The following ATF6 variants were observed in gnomAD, a reference collection of about 807,000 sequenced individuals.
ATF6 encodes the protein activating transcription factor 6.
ATF6 carries 53 observed loss-of-function variants against 83.6 expected under a neutral mutation model. The ratio of observed to expected loss-of-function variants is 0.63; its 90% CI spans 0.51 to 0.80. ATF6 has a LOEUF of 0.80. Ranked by LOEUF, ATF6 falls within the 30% of genes least tolerant of loss-of-function variation. ATF6 has a pLI of 0.00. For synonymous variants in ATF6, 288 were observed against 285.8 expected (o/e 1.01, Z -0.08); for missense variants, 744 against 797.9 (o/e 0.93, Z 0.81).
At chr1:161,851,158 A>G (rs1357309684) in intron 10 of ATF6, among the ~76,000 whole-genome samples, 1 of 148,034 alleles carries the variant, frequency 6.8e-6, no homozygotes, top group African/African-American at 2.5e-5. Context: ...ACACACACAC[A>G]CACACACACA....
intron 2 of ATF6, among the ~76,000 whole-genome samples, chr1:161,779,187 C>T (rs1387026540): frequency 1.3e-5 from 2 of 152,112 alleles, no homozygotes; most frequent in East Asian, 1.9e-4. Context: ...GAATGTGGCC[C>T]ATTGATTAAA....
intron 14 of ATF6, among the ~76,000 whole-genome samples, chr1:161,887,247 CT>C (rs5778239): frequency 0.13 from 19,223 of 143,310 alleles, 1,675 homozygotes; most frequent in East Asian, 0.32. Context: ...AATTTTTGTG[CT>C]TTTTTTTTTT....
chr1:161,952,673 A>G (rs1688889477), intron 15 of ATF6, among the ~76,000 whole-genome samples: 1 of 152,048 alleles, frequency 6.6e-6, no homozygotes, highest in African/African-American at 2.4e-5. Context: ...GGCATTATAT[A>G]TATATAATAT....
chr1:161,917,547 A>G (rs1214625091), intron 15 of ATF6, among the ~76,000 whole-genome samples: 1 of 151,926 alleles, frequency 6.6e-6, no homozygotes, highest in African/African-American at 2.4e-5. Context: ...CAGCCTCCCG[A>G]GTAGCTGGGA....
intron 9 of ATF6, among the ~76,000 whole-genome samples, chr1:161,841,405 A>C (rs767882894): frequency 1.3e-4 from 20 of 152,212 alleles, no homozygotes; most frequent in Middle Eastern, 3.2e-3. Context: ...ACTTGTCTGT[A>C]ATTTAGCTTA....
chr1:161,940,395 G>T (rs1027195369), intron 15 of ATF6, among the ~76,000 whole-genome samples: 5 of 151,530 alleles, frequency 3.3e-5, no homozygotes, highest in African/African-American at 9.7e-5. Context: ...TATCTCTCTG[G>T]CCTCATTTTC....
chr1:161,954,893 T>G (rs774027652), intron 15 of ATF6, among the ~76,000 whole-genome samples: 7 of 152,228 alleles, frequency 4.6e-5, no homozygotes, highest in Non-Finnish European at 1.0e-4. Context: ...ACATAAGATT[T>G]GAACCATTTG....
chr1:161,869,830 C>T (rs1687084332), intron 14 of ATF6, among the ~76,000 whole-genome samples: 1 of 151,740 alleles, frequency 6.6e-6, no homozygotes, highest in Non-Finnish European at 1.5e-5. Context: ...TCAATGTATA[C>T]TACCTTTGTA....
At chr1:161,922,883 T>C (rs1207379339) in intron 15 of ATF6, among the ~76,000 whole-genome samples, 1 of 151,886 alleles carries the variant, frequency 6.6e-6, no homozygotes, top group Non-Finnish European at 1.5e-5. Flanking sequence ...AGAGTTGTGA[T>C]TTATCAATAT....
intron 15 of ATF6, among the ~76,000 whole-genome samples, chr1:161,920,375 A>G (rs960323742): frequency 1.4e-4 from 18 of 127,838 alleles, no homozygotes; most frequent in African/African-American, 1.9e-4. Context: ...GCTCGCTGCA[A>G]CCTCCACCTC....
At position 161,958,438 on chromosome 1, in the gene ATF6, G is replaced by C. The variant is rs377077226; in HGVS notation, c.1805-8G>C. On this transcript the variant is annotated splice_region_variant and splice_polypyrimidine_tract_variant and intron_variant, in intron 15 of 15. Transcript: ENST00000367942. ...ATATTTATTCTTTGTGTATATTCCTGTCTGCAGAGAATGTGATCAATGGGC... is the reference window on the plus strand; with the variant it reads ...ATATTTATTCTTTGTGTATATTCCTCTCTGCAGAGAATGTGATCAATGGGC... The C allele has an allele frequency of 2.5e-6, 4 of 1,590,826 alleles. No individual in the cohort carries two copies. The highest frequency in any genetic ancestry group is 3.4e-6 in the Non-Finnish European group (4 of 1,167,804).
intron 4 of ATF6, among the ~76,000 whole-genome samples, chr1:161,787,165 C>T (rs1426410910): frequency 1.3e-5 from 2 of 152,170 alleles, no homozygotes; most frequent in Admixed American, 1.3e-4. Context: ...TAGATGTTAT[C>T]TGCCAACCTA....
At chr1:161,794,947 G>A (rs559028413) in intron 6 of ATF6, among the ~76,000 whole-genome samples, 1 of 152,044 alleles carries the variant, frequency 6.6e-6, no homozygotes, top group Non-Finnish European at 1.5e-5. Flanking sequence ...TAGAGAGGAA[G>A]GTGTCTAGGA....
intron 14 of ATF6, among the ~76,000 whole-genome samples, chr1:161,888,919 A>G (rs1180225125): frequency 6.6e-6 from 1 of 152,092 alleles, no homozygotes; most frequent in African/African-American, 2.4e-5. Context: ...ATACCTTGAG[A>G]TCCAGCTTGC....
At chr1:161,857,534 C>T (rs1571194493) in intron 12 of ATF6, among the ~76,000 whole-genome samples, 2 of 151,966 alleles carry the variant, frequency 1.3e-5, no homozygotes, top group African/African-American at 4.8e-5. Flanking sequence ...GAATTTGTCT[C>T]CAGAAGACCT....
intron 2 of ATF6, among the ~76,000 whole-genome samples, chr1:161,779,168 G>C (rs1203642965): frequency 6.6e-6 from 1 of 152,164 alleles, no homozygotes; most frequent in Non-Finnish European, 1.5e-5. Context: ...TACTCCATGA[G>C]ATACTTTAGA....
In ATF6 at chr1:161,912,386, T is replaced by C. The variant is rs1487646147; in HGVS notation, c.1804+6T>C. 7 of 1,592,646 alleles carry C rather than the reference T, an allele frequency of 4.4e-6. No individual in the cohort carries two copies. In the East Asian group the frequency reaches 1.6e-4, roughly 36 times the overall value. ...ACCAGCAATAAACATAAATGGTAAG[T>C]TGAAATTCTGATGTATGAACAATAT... is the stretch of plus-strand genomic sequence containing the variant. On this transcript the variant is annotated splice_donor_region_variant and intron_variant, in intron 15 of 15. Coordinates refer to ENST00000367942, the MANE Select transcript of ATF6 (RefSeq NM_007348.4).
chr1:161,938,059 C>G (rs373528462), intron 15 of ATF6, among the ~76,000 whole-genome samples: 1 of 152,098 alleles, frequency 6.6e-6, no homozygotes, highest in East Asian at 1.9e-4. Flanking sequence ...CATTTTCTAG[C>G]CTTCTACCCT....
At chr1:161,779,573 A>G (rs1684588530) in intron 2 of ATF6, among the ~76,000 whole-genome samples, 1 of 152,170 alleles carries the variant, frequency 6.6e-6, no homozygotes, top group Non-Finnish European at 1.5e-5. Context: ...TAAAATCTTT[A>G]TGCTGTAGAA....
Sources: gnomAD v4.1 joint callset for allele counts (sites outside exome capture counted in the v4.1 genomes callset) on GRCh38, gnomAD v4.1.1 for gene constraint, MANE v1.5 for transcripts, NCBI Gene and HGNC (gene_info 2026-07-23, HGNC 2026-07-21) for gene names.